MDGA2: variants seen among roughly 807,000 people sequenced by gnomAD.
MDGA2 encodes the protein MAM domain-containing glycosylphosphatidylinositol anchor protein 2.
Under a neutral mutation model 117.8 loss-of-function variants are expected in MDGA2, and 40 were observed. The ratio of observed to expected loss-of-function variants is 0.34; its 90% confidence interval spans 0.26 to 0.44. The LOEUF (loss-of-function observed/expected upper bound fraction) is 0.44, where lower values mean the gene tolerates loss of function less well. Ranked by LOEUF, MDGA2 falls within the 20% of genes least tolerant of loss-of-function variation. The pLI, the probability that MDGA2 is intolerant of heterozygous loss-of-function variation, is 1.00. For synonymous variants in MDGA2, 452 were observed against 439.0 expected, an observed-to-expected ratio of 1.03 and a Z score of -0.37; for missense variants, 1,123 against 1,250.6, an observed-to-expected ratio of 0.90 and a Z score of 1.54.
chr14:47,638,421 CA>C (rs1004949612), intron 1 of MDGA2, among the ~76,000 whole-genome samples: 1 of 152,062 alleles, frequency 6.6e-6, no homozygotes, highest in African/African-American at 2.4e-5. Flanking sequence ...GAATTAATGC[CA>C]ACATTCATTA....
chr14:47,183,566 A>G (rs2139379065), intron 3 of MDGA2, among the ~76,000 whole-genome samples: 1 of 152,192 alleles, frequency 6.6e-6, no homozygotes, highest in Admixed American at 6.6e-5. Flanking sequence ...ATTATGTTGA[A>G]ATAATTATAG....
intron 1 of MDGA2, among the ~76,000 whole-genome samples, chr14:47,433,183 C>T (rs1892833259): frequency 6.6e-6 from 1 of 152,004 alleles, no homozygotes; most frequent in Non-Finnish European, 1.5e-5. Context: ...ATGGTCACAA[C>T]CACAGTCAAT....
intron 1 of MDGA2, among the ~76,000 whole-genome samples, chr14:47,657,597 C>T (rs551180484): frequency 6.6e-6 from 1 of 152,264 alleles, no homozygotes; most frequent in African/African-American, 2.4e-5. Context: ...AGAAATTCAT[C>T]TTGATTGGAA....
intron 1 of MDGA2, among the ~76,000 whole-genome samples, chr14:47,525,739 T>TC (rs894999960): frequency 1.3e-4 from 20 of 149,878 alleles, no homozygotes; most frequent in Non-Finnish European, 1.8e-4. Flanking sequence ...TTTTTTTTTT[T>TC]TCTCTCTCTC....
At chr14:47,233,418 G>C (rs542197794) in intron 2 of MDGA2, among the ~76,000 whole-genome samples, 2 of 152,178 alleles carry the variant, frequency 1.3e-5, no homozygotes, top group East Asian at 3.9e-4. Flanking sequence ...TACGCGCTTA[G>C]TTTTCAAGCT....
intron 1 of MDGA2, among the ~76,000 whole-genome samples, chr14:47,618,580 C>T (rs557336400): frequency 2.0e-5 from 3 of 152,126 alleles, no homozygotes; most frequent in Non-Finnish European, 4.4e-5. Context: ...CACTGTATGT[C>T]GCTCATTTTT....
chr14:47,635,029 T>C (rs954079275), intron 1 of MDGA2, among the ~76,000 whole-genome samples: 3 of 152,112 alleles, frequency 2.0e-5, no homozygotes, highest in African/African-American at 4.8e-5. Context: ...TGGGTAATAA[T>C]AATAATACCT....
At chr14:47,228,525 T>C (rs1886583933) in intron 2 of MDGA2, among the ~76,000 whole-genome samples, 1 of 152,314 alleles carries the variant, frequency 6.6e-6, no homozygotes, top group South Asian at 2.1e-4. Flanking sequence ...CCCAGTTGTA[T>C]AATAATGTAA....
chr14:47,285,292 T>C (rs185673707), intron 2 of MDGA2, among the ~76,000 whole-genome samples: 58 of 152,292 alleles, frequency 3.8e-4, no homozygotes, highest in Admixed American at 6.5e-4. Context: ...TGTTTTAGCA[T>C]ACACTTTTTG....
At chr14:47,044,449 T>A (rs1268848719) in intron 7 of MDGA2, among the ~76,000 whole-genome samples, 3 of 152,152 alleles carry the variant, frequency 2.0e-5, no homozygotes, top group Non-Finnish European at 4.4e-5. Context: ...GTTGGCCCTA[T>A]GATAGAATGT....
chr14:47,002,575 A>C (rs1485176422), intron 8 of MDGA2, among the ~76,000 whole-genome samples: 1 of 151,982 alleles, frequency 6.6e-6, no homozygotes, highest in African/African-American at 2.4e-5. Context: ...TAAACAGAAA[A>C]AAAATTAGCC....
intron 5 of MDGA2, among the ~76,000 whole-genome samples, chr14:47,108,658 T>C (rs1275923418): frequency 6.6e-6 from 1 of 152,206 alleles, no homozygotes; most frequent in Non-Finnish European, 1.5e-5. Flanking sequence ...CTTATCTCCC[T>C]TCGCTGACTC....
At chr14:47,668,534 T>C (rs1006107890) in intron 1 of MDGA2, among the ~76,000 whole-genome samples, 7 of 152,198 alleles carry the variant, frequency 4.6e-5, no homozygotes, top group Admixed American at 1.3e-4. Flanking sequence ...GCCAAAAGAT[T>C]ATTAATTGGA....
intron 7 of MDGA2, among the ~76,000 whole-genome samples, chr14:47,049,407 CAT>C (rs72298510): frequency 0.2 from 30,083 of 151,764 alleles, 3,006 homozygotes; most frequent in Admixed American, 0.29. Context: ...TCTTCCCACA[CAT>C]GTTAAAAAAT....
chr14:47,617,493 C>T (rs540811252), intron 1 of MDGA2, among the ~76,000 whole-genome samples: 4 of 152,238 alleles, frequency 2.6e-5, no homozygotes, highest in African/African-American at 4.8e-5. Context: ...TGTGAATCAC[C>T]GCACCCGGCC....
chr14:47,587,572 C>G (rs1896349465), intron 1 of MDGA2, among the ~76,000 whole-genome samples: 1 of 151,814 alleles, frequency 6.6e-6, no homozygotes, highest in Admixed American at 6.6e-5. Flanking sequence ...ACTTAGATAT[C>G]TCTTCTATAA....
intron 1 of MDGA2, among the ~76,000 whole-genome samples, chr14:47,536,241 C>CA (rs1256091576): frequency 6.6e-6 from 1 of 152,146 alleles, no homozygotes; most frequent in African/African-American, 2.4e-5. Context: ...CAAGCAAATA[C>CA]AAATTACCAA....
At chr14:46,975,990 A>G (rs1015220323) in intron 8 of MDGA2, among the ~76,000 whole-genome samples, 1 of 152,014 alleles carries the variant, frequency 6.6e-6, no homozygotes, top group Non-Finnish European at 1.5e-5. Context: ...CTAATACCTA[A>G]CCACGTTGGT....
intron 8 of MDGA2, among the ~76,000 whole-genome samples, chr14:47,009,677 G>A (rs141051643): frequency 7.2e-5 from 11 of 152,112 alleles, no homozygotes; most frequent in African/African-American, 2.6e-4. Flanking sequence ...TCCCAGTGAG[G>A]CAGTGCATTT....
Sources: allele counts gnomAD v4.1 joint callset (sites outside exome capture counted in the v4.1 genomes callset), GRCh38; gene constraint gnomAD v4.1.1; transcripts MANE v1.5; gene names NCBI Gene and HGNC (gene_info 2026-07-23, HGNC 2026-07-21).